The following NUB1 variants were observed in gnomAD, a reference collection of about 807,000 sequenced individuals.
NUB1 encodes the protein negative regulator of ubiquitin like proteins 1.
A neutral mutation model predicts 77.1 loss-of-function variants in NUB1; 41 were observed. The observed-to-expected ratio is 0.53, with a 90% CI of 0.41 to 0.69. NUB1 has a LOEUF of 0.69. Ranked by LOEUF, NUB1 falls within the 30% of genes least tolerant of loss-of-function variation. The pLI is 0.00. For missense variants in NUB1, 643 were observed against 743.8 expected, an observed-to-expected ratio of 0.86 and a Z score of 1.58; for synonymous variants, 257 against 281.0, an observed-to-expected ratio of 0.91 and a Z score of 0.85.
At position 151,341,956 on chromosome 7, in the gene NUB1, C is replaced by G. The variant is rs920355713; in HGVS notation, c.-3+110C>G. 45 of 1,338,614 alleles carry G rather than the reference C, an allele frequency of 3.4e-5. No individual in the cohort carries two copies. In the African/African-American group the frequency reaches 6.6e-4, roughly 20 times the overall value. The allele number at this position is 1,338,614 out of a possible 1,614,324, so 82.9% of individuals were successfully genotyped here. A position where few individuals can be genotyped will look rare whatever the true frequency, so the allele number is the denominator to read the frequency against. Reference sequence around the variant, plus strand: ...CTCCTGGCCAGGGGTGGAGCGGCCGCGGGGCGGGGGTGAGCAGCCATGCGT... The same window carrying G: ...CTCCTGGCCAGGGGTGGAGCGGCCGGGGGGCGGGGGTGAGCAGCCATGCGT... On this transcript the variant is annotated intron_variant, in intron 1 of 14. Transcript: ENST00000568733.
At chr7:151,364,179 A>T (rs10253396) in intron 8 of NUB1, among the ~76,000 whole-genome samples, 4 of 150,454 alleles carry the variant, frequency 2.7e-5, no homozygotes, top group Non-Finnish European at 4.4e-5. Flanking sequence ...TCCCAACACT[A>T]TGGGAGGCCG....
chr7:151,363,817 G>T (rs550239140), intron 8 of NUB1, among the ~76,000 whole-genome samples: 2 of 151,644 alleles, frequency 1.3e-5, no homozygotes, highest in African/African-American at 4.8e-5. Flanking sequence ...TCACTCTGTC[G>T]CCCAGGCTGT....
chr7:151,342,046 G>A (rs1032818681), intron 1 of NUB1, 200 bp downstream of exon 1: 13 of 988,040 alleles, frequency 1.3e-5, no homozygotes, highest in Non-Finnish European at 1.7e-5. Flanking sequence ...CGCGCTGGCC[G>A]TTCGGGGCCC....
chr7:151,373,035 C>A (rs1441802878), intron 11 of NUB1, among the ~76,000 whole-genome samples: 3 of 152,248 alleles, frequency 2.0e-5, no homozygotes, highest in African/African-American at 7.2e-5. Context: ...TCTGGTTCCA[C>A]AATGATGATG....
chr7:151,341,813 C>T lies in NUB1; in HGVS notation c.-36C>T, dbSNP rs1171972956. ...CGGCGGCCGCTGCCGCATCCGGGCA[C>T]TCTGCTGGTCGCGGCGGGAGTGGCG... On this transcript the variant is annotated 5_prime_UTR_variant, in exon 1 of 15. Transcript: ENST00000568733. The T allele has an allele frequency of 4.0e-6, 6 of 1,507,700 alleles. No homozygotes were observed. Among genetic ancestry groups the T allele is most frequent in the Non-Finnish European group, 4.4e-6 (5 of 1,137,320 alleles). The allele number at this position is 1,507,700 out of a possible 1,614,324, so 93.4% of individuals were successfully genotyped here.
chr7:151,344,042 G>A (rs536184311), intron 1 of NUB1, among the ~76,000 whole-genome samples: 10 of 151,166 alleles, frequency 6.6e-5, no homozygotes, highest in East Asian at 2.0e-4. Flanking sequence ...TCAGCCGGGC[G>A]TGGTGGCGGG....
At position 151,368,861 on chromosome 7, in the gene NUB1, G is replaced by GCCAC. The variant is rs745882037; in HGVS notation, c.1223_1226dup (p.Ile411SerfsTer53). On this transcript the variant is annotated frameshift_variant, in exon 11 of 15. Coordinates refer to ENST00000568733, the MANE Select transcript of NUB1 (RefSeq NM_001243351.2). LOFTEE classifies it high-confidence loss of function. ...GTGTGATGGGAACGTGGATCATGCG[G>GCCAC]CCACTCATATTACCAACCGCAGAGA... The GCCAC allele has an allele frequency of 6.2e-7, 1 of 1,613,666 alleles. No individual in the cohort carries two copies. The highest frequency in any genetic ancestry group is 1.1e-5 in the South Asian group (1 of 90,988).
In NUB1 at chr7:151,366,928, T is replaced by C; in HGVS notation, c.801-11T>C. ...TGCTTGGCAGTGATGTCACTGTCCT[T>C]CTCTTTCCAGTGAGTGTTGCAGAGA... On this transcript the variant is annotated splice_polypyrimidine_tract_variant and intron_variant, in intron 8 of 14. Coordinates refer to ENST00000568733, the MANE Select transcript of NUB1 (RefSeq NM_001243351.2). 2 of 1,577,504 alleles carry C rather than the reference T, an allele frequency of 1.3e-6. No individual in the cohort carries two copies. The highest frequency in any genetic ancestry group is 1.7e-6 in the Non-Finnish European group (2 of 1,160,698).
intron 4 of NUB1, 64 bp downstream of exon 4, chr7:151,351,546 C>T: frequency 2.6e-6 from 3 of 1,166,022 alleles, no homozygotes; most frequent in South Asian, 1.3e-5. Flanking sequence ...TTATTTGATC[C>T]TCTGTGAGCG....
Position 151,377,267 on chromosome 7 carries a change from T to G in NUB1, c.*42T>G. ...GCGCTAATTTTCTGCTTATAAATGC[T>G]ATCATTATGAAAAGGCTAATGCAGC... On this transcript the variant is annotated 3_prime_UTR_variant, in exon 15 of 15. Coordinates refer to ENST00000568733, the MANE Select transcript of NUB1 (RefSeq NM_001243351.2). 1 of 1,340,762 alleles carries G rather than the reference T, an allele frequency of 7.5e-7. No homozygotes were observed. Among genetic ancestry groups the G allele is most frequent in the Non-Finnish European group, 1.0e-6 (1 of 990,622 alleles). 83.1% of individuals were successfully genotyped at this position (1,340,762 alleles called of 1,614,324 possible).
chr7:151,357,016 C>T (rs1426034557), intron 7 of NUB1, among the ~76,000 whole-genome samples: 3 of 151,814 alleles, frequency 2.0e-5, no homozygotes, highest in East Asian at 1.9e-4. Flanking sequence ...CGAACTCTGC[C>T]GTGTTTTTGT....
Position 151,351,477 on chromosome 7 carries a change from G to T in NUB1, c.339G>T (p.Arg113Ser). The T allele has an allele frequency of 6.2e-7, 1 of 1,611,788 alleles. No individual in the cohort carries two copies. The highest frequency in any genetic ancestry group is 8.5e-7 in the Non-Finnish European group (1 of 1,178,268). Residue 113 changes from arginine to serine, a missense_variant, in exon 4 of 15, where the codon AGG becomes AGT. By Grantham distance (110) the Arg-to-Ser change is moderately radical. Transcript: ENST00000568733. ...TRLHITGREL[R>S]SKIAETFGLQ... ...TGCACATCACTGGCAGAGAACTGAG[G>T]TCCAAGTAAGTATCTGTGTGCTCTG...
chr7:151,346,152 G>C (rs1034826580), intron 2 of NUB1, among the ~76,000 whole-genome samples: 1 of 152,176 alleles, frequency 6.6e-6, no homozygotes, highest in African/African-American at 2.4e-5. Flanking sequence ...GCATTAAATT[G>C]CTCTGTGTTG....
intron 2 of NUB1, among the ~76,000 whole-genome samples, chr7:151,348,569 CTTTTTTTT>C (rs59781719): frequency 1.3e-4 from 9 of 69,940 alleles, no homozygotes; most frequent in East Asian, 4.4e-4. Flanking sequence ...TTGCTTTTTG[CTTTTTTTT>C]TTTTTTTTTT....
chr7:151,377,422 C>G lies in NUB1; in HGVS notation c.*197C>G. 2.2e-6 allele frequency: 1 copy of G among 450,646 alleles called. No homozygotes were observed. Among genetic ancestry groups the G allele is most frequent in the Non-Finnish European group, 3.9e-6 (1 of 255,062 alleles). The allele number at this position is 450,646 out of a possible 1,614,324, so 27.9% of individuals were successfully genotyped here. A position where few individuals can be genotyped will look rare whatever the true frequency, so the allele number is the denominator to read the frequency against. ...TCTCGGGGAAGAAGCTTCCTCTGGCCTGGCGCAGGCCGTTCCATCTGCCTC... is the reference window on the plus strand; with the variant it reads ...TCTCGGGGAAGAAGCTTCCTCTGGCGTGGCGCAGGCCGTTCCATCTGCCTC... On this transcript the variant is annotated 3_prime_UTR_variant, in exon 15 of 15. Coordinates refer to ENST00000568733, the MANE Select transcript of NUB1 (RefSeq NM_001243351.2).
At chr7:151,359,083 A>G (rs1451462148) in intron 7 of NUB1, among the ~76,000 whole-genome samples, 1 of 149,034 alleles carries the variant, frequency 6.7e-6, no homozygotes, top group African/African-American at 2.5e-5. Context: ...AATAAAATAA[A>G]AAAATTTGTT....
intron 7 of NUB1, among the ~76,000 whole-genome samples, chr7:151,357,159 GGTA>G: frequency 6.6e-6 from 1 of 151,370 alleles, no homozygotes; most frequent in South Asian, 2.1e-4. Flanking sequence ...TGGGACTGCA[GGTA>G]CACACCACCA....
intron 9 of NUB1, 82 bp from the exon 10 acceptor site, chr7:151,367,779 C>A: frequency 3.4e-6 from 3 of 884,262 alleles, no homozygotes; most frequent in Non-Finnish European, 5.2e-6. Flanking sequence ...CTCTGGAGAC[C>A]AAGGGAATGA....
In NUB1 at chr7:151,377,307, C is replaced by T; in HGVS notation, c.*82C>T. 3 of 776,118 alleles carry T rather than the reference C, an allele frequency of 3.9e-6. No homozygotes were observed. Among genetic ancestry groups the T allele is most frequent in the Non-Finnish European group, 5.7e-6 (3 of 528,406 alleles). The allele number at this position is 776,118 out of a possible 1,614,324, so 48.1% of individuals were successfully genotyped here. ...GCTAATGCAGCTCTTTCTGTTCTTA[C>T]TTTTTATCTGAATTACAAGTCCTCT... On this transcript the variant is annotated 3_prime_UTR_variant, in exon 15 of 15. Coordinates refer to ENST00000568733, the MANE Select transcript of NUB1 (RefSeq NM_001243351.2).
Sources: gnomAD v4.1 joint callset for allele counts (sites outside exome capture counted in the v4.1 genomes callset) on GRCh38, gnomAD v4.1.1 for gene constraint, MANE v1.5 for transcripts, NCBI Gene and HGNC (gene_info 2026-07-23, HGNC 2026-07-21) for gene names.